Variants in NXPE3 observed in about 807,000 individuals in gnomAD.
NXPE3 encodes neurexophilin and PC-esterase domain family member 3, also known as NXPE family member 3.
In NXPE3, 26 loss-of-function variants were observed where a neutral mutation model predicts 46.1. The ratio of observed to expected loss-of-function variants is 0.56; its 90% CI spans 0.41 to 0.78. The LOEUF is 0.78. Ranked by LOEUF, NXPE3 falls within the 30% of genes least tolerant of loss-of-function variation. The pLI is 0.00. For synonymous variants in NXPE3, 272 were observed against 257.9 expected (o/e 1.05, Z -0.52); for missense variants, 620 against 686.0 (o/e 0.90, Z 1.07).
At chr3:101,816,426 C>G (rs534619890) in intron 6 of NXPE3, among the ~76,000 whole-genome samples, 5 of 152,218 alleles carry the variant, frequency 3.3e-5, no homozygotes, top group Middle Eastern at 3.4e-3. Flanking sequence ...CCCCTTCCCC[C>G]CAACCCCCCG....
At chr3:101,803,559 AT>A (rs1333845624) in intron 5 of NXPE3, among the ~76,000 whole-genome samples, 2 of 152,118 alleles carry the variant, frequency 1.3e-5, no homozygotes, top group East Asian at 3.8e-4. Flanking sequence ...AGATTATTTT[AT>A]TTCTGTGTAC....
intron 6 of NXPE3, among the ~76,000 whole-genome samples, chr3:101,812,835 A>AAAAAAAAG (rs1941784303): frequency 7.0e-6 from 1 of 142,408 alleles, no homozygotes; most frequent in Non-Finnish European, 1.6e-5. Context: ...AAAAAAAAAA[A>AAAAAAAAG]AAAAAAAGAT....
At position 101,821,510 on chromosome 3, in the gene NXPE3, C is replaced by T. The variant is rs1576790088; in HGVS notation, c.1236C>T (p.Ile412=). 3.7e-6 allele frequency: 6 copies of T among 1,614,188 alleles called. No homozygotes were observed. The East Asian group carries it at 1.3e-4, about 36-fold the overall frequency. Residue 412 remains isoleucine, a synonymous_variant, in exon 8 of 8, where the codon ATC becomes ATT. Transcript: ENST00000273347. ...LLKYRCHGPP[I]RFTTVFSNEL... ...AATACCGCTGCCATGGTCCACCCAT[C>T]CGCTTCACGACTGTCTTTAGCAATG...
rs911218379 is a variant in NXPE3, at chr3:101,824,371, C to A, written c.*2417C>A. ...ATAGATGAGGAACTCATGTTTAGAT[C>A]TGAAATAAGGTATGTGAGAGTCCAT... On this transcript the variant is annotated 3_prime_UTR_variant, in exon 8 of 8. Coordinates refer to ENST00000273347, the MANE Select transcript of NXPE3 (RefSeq NM_145037.4). 2 of 152,174 alleles carry A rather than the reference C, an allele frequency of 1.3e-5. No individual in the cohort carries two copies. 9.4% of individuals were successfully genotyped at this position (152,174 alleles called of 1,614,324 possible). A position where few individuals can be genotyped will look rare whatever the true frequency, so the allele number is the denominator to read the frequency against.
intron 4 of NXPE3, among the ~76,000 whole-genome samples, chr3:101,789,364 T>G (rs1433928814): frequency 1.3e-5 from 2 of 152,080 alleles, no homozygotes; most frequent in Admixed American, 6.6e-5. Context: ...GGCAACATAG[T>G]GAGACCCCAT....
chr3:101,784,783 T>C (rs1576723852), intron 3 of NXPE3, among the ~76,000 whole-genome samples: 1 of 152,192 alleles, frequency 6.6e-6, no homozygotes. Flanking sequence ...GACTTTCCTC[T>C]CCCACATCTT....
intron 6 of NXPE3, among the ~76,000 whole-genome samples, chr3:101,808,288 T>G (rs1291844821): frequency 6.6e-6 from 1 of 152,188 alleles, no homozygotes; most frequent in East Asian, 1.9e-4. Context: ...ATGTTACTAG[T>G]GAGGCTTATG....
At chr3:101,798,684 CGTACTGCA>C in intron 4 of NXPE3, among the ~76,000 whole-genome samples, 1 of 151,062 alleles carries the variant, frequency 6.6e-6, no homozygotes, top group Admixed American at 6.6e-5. Context: ...ACAATCTCAG[CGTACTGCA>C]ACCTCTGCCT....
chr3:101,805,863 A>G (rs183223242), intron 5 of NXPE3, among the ~76,000 whole-genome samples: 27 of 152,162 alleles, frequency 1.8e-4, no homozygotes, highest in Admixed American at 4.6e-4. Flanking sequence ...ATGTTTTTGT[A>G]AGAAAATTAT....
In NXPE3 at chr3:101,824,729, C is replaced by T. The variant is rs902939296; in HGVS notation, c.*2775C>T. ...AAGTGCTGGGATTACAGGTGTGAGCCACTGTGCCCAGCTGAGAGTTTTTCT... is the reference window on the plus strand; with the variant it reads ...AAGTGCTGGGATTACAGGTGTGAGCTACTGTGCCCAGCTGAGAGTTTTTCT... On this transcript the variant is annotated 3_prime_UTR_variant, in exon 8 of 8. Transcript: ENST00000273347. 2 of 152,184 alleles carry T rather than the reference C, an allele frequency of 1.3e-5. No homozygotes were observed. Among genetic ancestry groups the T allele is most frequent in the Non-Finnish European group, 2.9e-5 (2 of 68,078 alleles). 9.4% of individuals were successfully genotyped at this position (152,184 alleles called of 1,614,324 possible). A position where few individuals can be genotyped will look rare whatever the true frequency, so the allele number is the denominator to read the frequency against.
chr3:101,802,482 CAGGGCTGGT>C (rs1358418351), intron 5 of NXPE3, among the ~76,000 whole-genome samples: 1 of 151,738 alleles, frequency 6.6e-6, no homozygotes, highest in Non-Finnish European at 1.5e-5. Flanking sequence ...AATCCAAGAA[CAGGGCTGGT>C]AGGGCTGGTA....
chr3:101,814,100 A>T (rs1160104787), intron 6 of NXPE3, among the ~76,000 whole-genome samples: 3 of 152,246 alleles, frequency 2.0e-5, no homozygotes, highest in Non-Finnish European at 4.4e-5. Context: ...ACTTTTCTTT[A>T]TAACACATAT....
At position 101,816,894 on chromosome 3, in the gene NXPE3, T is replaced by G; in HGVS notation, c.1022T>G (p.Phe341Cys). ...WRPRKFKMRQ[F>C]NDPDNITECL... ...CCCAGAAAGTTTAAGATGCGTCAGT[T>G]TAATGACCCTGACAACATTACAGAG... Residue 341 changes from phenylalanine to cysteine, a missense_variant, in exon 7 of 8, where the codon TTT (phenylalanine) becomes TGT (cysteine). By Grantham distance (205) the Phe-to-Cys change is radical. Coordinates refer to ENST00000273347, the MANE Select transcript of NXPE3 (RefSeq NM_145037.4). 1 of 1,613,912 alleles carries G rather than the reference T, an allele frequency of 6.2e-7. No homozygotes were observed.
chr3:101,785,454 C>T lies in NXPE3; in HGVS notation c.-143C>T. ...TGAATCAACTGCAGTCTCTCCTCTG[C>T]ATAAGAGCTCTTAAGGGTACTAGCA... On this transcript the variant is annotated 5_prime_UTR_variant, in exon 4 of 8. Coordinates refer to ENST00000273347, the MANE Select transcript of NXPE3 (RefSeq NM_145037.4). The T allele has an allele frequency of 1.5e-6, 1 of 686,264 alleles. No individual in the cohort carries two copies. Among genetic ancestry groups the T allele is most frequent in the East Asian group, 2.6e-5 (1 of 38,956 alleles). The allele number at this position is 686,264 out of a possible 1,614,324, so 42.5% of individuals were successfully genotyped here.
chr3:101,806,895 G>GCT (rs1941443861), intron 5 of NXPE3, among the ~76,000 whole-genome samples, 158 bp from the exon 6 acceptor site: 1 of 152,160 alleles, frequency 6.6e-6, no homozygotes, highest in Admixed American at 6.5e-5. Flanking sequence ...TACTACAAGA[G>GCT]ACCCAGTTTA....
chr3:101,805,128 C>G lies in NXPE3; in HGVS notation c.849-1925C>G, dbSNP rs191242027. ...TGAGAGTATGTTGCAGACATCATGGCACTGCACTCCATAAATATGCCTCTC... is the reference window on the plus strand; with the variant it reads ...TGAGAGTATGTTGCAGACATCATGGGACTGCACTCCATAAATATGCCTCTC... On this transcript the variant is annotated intron_variant, in intron 5 of 7. Transcript: ENST00000273347. 1.9e-3 allele frequency among the ~76,000 whole-genome samples: 285 copies of G among 152,246 alleles called. 3 individuals carry two copies. Among genetic ancestry groups the G allele is most frequent in the Non-Finnish European group, 5.7e-4 (39 of 68,014 alleles).
intron 4 of NXPE3, among the ~76,000 whole-genome samples, chr3:101,798,257 A>G (rs1261191648): frequency 6.6e-6 from 1 of 152,196 alleles, no homozygotes; most frequent in Non-Finnish European, 1.5e-5. Context: ...AAATGGACAT[A>G]ATAACAGGAC....
rs2107373989 is a variant in NXPE3, at chr3:101,824,441, T to A, written c.*2487T>A. ...TGTGAGACTTTCGTAAAGAAGCGTT[T>A]GTATTTATTTATTTGTTTTTGAGAC... On this transcript the variant is annotated 3_prime_UTR_variant, in exon 8 of 8. Coordinates refer to ENST00000273347, the MANE Select transcript of NXPE3 (RefSeq NM_145037.4). The A allele has an allele frequency of 6.6e-6, 1 of 152,386 alleles. No individual in the cohort carries two copies. Among genetic ancestry groups the A allele is most frequent in the Non-Finnish European group, 1.5e-5 (1 of 68,106 alleles). 9.4% of individuals were successfully genotyped at this position (152,386 alleles called of 1,614,324 possible).
At chr3:101,787,161 AC>A (rs1940236519) in intron 4 of NXPE3, among the ~76,000 whole-genome samples, 1 of 151,240 alleles carries the variant, frequency 6.6e-6, no homozygotes, top group Non-Finnish European at 1.5e-5. Context: ...AAAAAAAAAA[AC>A]ACAACAAATC....
Sources: gnomAD v4.1 joint callset for allele counts (sites outside exome capture counted in the v4.1 genomes callset) on GRCh38, gnomAD v4.1.1 for gene constraint, MANE v1.5 for transcripts, NCBI Gene and HGNC (gene_info 2026-07-23, HGNC 2026-07-21) for gene names.